KHDRBS2: variants seen among roughly 807,000 people sequenced by gnomAD.
KHDRBS2 encodes the protein KH domain-containing, RNA-binding, signal transduction-associated protein 2.
Under a neutral mutation model 44.3 loss-of-function variants are expected in KHDRBS2, and 26 were observed. The observed-to-expected ratio is 0.59, with a 90% CI of 0.43 to 0.81. KHDRBS2 has a LOEUF of 0.81. Ranked by LOEUF, KHDRBS2 falls within the 40% of genes least tolerant of loss-of-function variation. The probability of loss-of-function intolerance (pLI) is 0.00; values close to 1 mark genes in which losing one functional copy is unlikely to be tolerated. For missense variants in KHDRBS2, 476 were observed against 433.1 expected (o/e 1.10, Z -0.88); for synonymous variants, 194 against 151.1 (o/e 1.28, Z -2.08).
chr6:61,629,932 T>A, the KHDRBS2 span, among the ~76,000 whole-genome samples: 1 of 152,234 alleles, frequency 6.6e-6, no homozygotes. Context: ...TCAAATATAA[T>A]CTTGTAGTTC....
chr6:61,649,935 T>C, the KHDRBS2 span, among the ~76,000 whole-genome samples: 17 of 152,174 alleles, frequency 1.1e-4, no homozygotes, highest in African/African-American at 3.6e-4. Context: ...TTTGCTTACG[T>C]ACCTTGTAAC....
chr6:61,710,321 T>A (rs1280855661), intron 7 of KHDRBS2, among the ~76,000 whole-genome samples: 24 of 151,772 alleles, frequency 1.6e-4, no homozygotes, highest in Admixed American at 1.4e-3. Context: ...AATGCCAAAT[T>A]ACTGCAAAGA....
the KHDRBS2 span, among the ~76,000 whole-genome samples, chr6:61,652,899 A>T: frequency 3.9e-5 from 6 of 152,140 alleles, no homozygotes; most frequent in Non-Finnish European, 5.9e-5. Flanking sequence ...ACATGCCGTG[A>T]GGAGATATAA....
intron 6 of KHDRBS2, among the ~76,000 whole-genome samples, chr6:61,869,981 T>TTGG (rs1554252310): frequency 6.8e-6 from 1 of 147,158 alleles, no homozygotes; most frequent in African/African-American, 2.6e-5. Context: ...TTTTTTTTTT[T>TTGG]TTTTTTCCCC....
At chr6:62,080,431 A>C (rs1018398791) in intron 2 of KHDRBS2, among the ~76,000 whole-genome samples, 3 of 152,140 alleles carry the variant, frequency 2.0e-5, no homozygotes, top group African/African-American at 7.2e-5. Context: ...TTTAGAAAAA[A>C]TGTAGCCCCT....
At chr6:61,849,564 C>T (rs1172484652) in intron 6 of KHDRBS2, among the ~76,000 whole-genome samples, 2 of 151,604 alleles carry the variant, frequency 1.3e-5, no homozygotes, top group Non-Finnish European at 2.9e-5. Flanking sequence ...TTTGGTTTAT[C>T]AATATGAACC....
chr6:61,704,966 G>A (rs1384018603), intron 7 of KHDRBS2, among the ~76,000 whole-genome samples: 2 of 151,676 alleles, frequency 1.3e-5, no homozygotes, highest in Admixed American at 6.6e-5. Context: ...AATATCTCAG[G>A]TCATTAGATG....
chr6:61,945,959 A>G (rs1003833226), intron 4 of KHDRBS2, among the ~76,000 whole-genome samples: 2 of 152,202 alleles, frequency 1.3e-5, no homozygotes, highest in African/African-American at 4.8e-5. Flanking sequence ...AATCACATAA[A>G]TATTTTATCA....
chr6:61,743,959 T>A (rs1387477085), intron 6 of KHDRBS2, among the ~76,000 whole-genome samples: 1 of 152,058 alleles, frequency 6.6e-6, no homozygotes, highest in African/African-American at 2.4e-5. Flanking sequence ...GGACATGAAC[T>A]CACCATTTTT....
At chr6:61,715,740 T>C (rs79186060) in intron 7 of KHDRBS2, among the ~76,000 whole-genome samples, 6,246 of 152,024 alleles carry the variant, frequency 0.041, 151 homozygotes, top group East Asian at 0.085. Flanking sequence ...TAGTCCTCTG[T>C]ATTTTAGTAA....
At chr6:61,615,657 T>G in the KHDRBS2 span, among the ~76,000 whole-genome samples, 2 of 152,218 alleles carry the variant, frequency 1.3e-5, no homozygotes. Flanking sequence ...GTTCCGAATT[T>G]GAAACATTTT....
intron 4 of KHDRBS2, among the ~76,000 whole-genome samples, chr6:61,921,552 C>T (rs1484758198): frequency 6.6e-6 from 1 of 151,960 alleles, no homozygotes; most frequent in Admixed American, 6.6e-5. Flanking sequence ...TAATGTGAGT[C>T]AAATATAAAT....
chr6:61,769,367 A>G (rs911429574), intron 6 of KHDRBS2, among the ~76,000 whole-genome samples: 1 of 152,156 alleles, frequency 6.6e-6, no homozygotes, highest in Non-Finnish European at 1.5e-5. Flanking sequence ...ACGAGGCATC[A>G]CCTCACCTGG....
At chr6:62,009,625 G>A (rs531051828) in intron 3 of KHDRBS2, among the ~76,000 whole-genome samples, 1 of 152,288 alleles carries the variant, frequency 6.6e-6, no homozygotes, top group South Asian at 2.1e-4. Flanking sequence ...TTGTGGGCCA[G>A]GCCCAGGGTC....
At chr6:62,260,603 A>T (rs1838178824) in intron 1 of KHDRBS2, among the ~76,000 whole-genome samples, 1 of 152,016 alleles carries the variant, frequency 6.6e-6, no homozygotes, top group African/African-American at 2.4e-5. Flanking sequence ...TTTTTTTAAA[A>T]AAAGAAAACT....
intron 3 of KHDRBS2, among the ~76,000 whole-genome samples, chr6:62,019,847 G>C (rs1211462017): frequency 6.6e-6 from 1 of 150,604 alleles, no homozygotes; most frequent in Non-Finnish European, 1.5e-5. Context: ...TCTAGCTGCA[G>C]GTTTATCAAT....
At chr6:61,775,169 A>G (rs79579437) in intron 6 of KHDRBS2, among the ~76,000 whole-genome samples, 1 of 152,074 alleles carries the variant, frequency 6.6e-6, no homozygotes, top group Non-Finnish European at 1.5e-5. Context: ...TCTATGACAA[A>G]CCCACAGCCA....
chr6:61,952,812 A>G (rs765167439), intron 4 of KHDRBS2, among the ~76,000 whole-genome samples: 1 of 152,066 alleles, frequency 6.6e-6, no homozygotes, highest in Non-Finnish European at 1.5e-5. Context: ...AAACAAAATA[A>G]ACGGGTAAAA....
At chr6:62,221,136 A>G (rs1311763930) in intron 1 of KHDRBS2, among the ~76,000 whole-genome samples, 1 of 152,036 alleles carries the variant, frequency 6.6e-6, no homozygotes, top group Non-Finnish European at 1.5e-5. Context: ...ACCAAAAAAA[A>G]AAAGATTTTG....
Sources: gnomAD v4.1 joint callset for allele counts (sites outside exome capture counted in the v4.1 genomes callset) on GRCh38, gnomAD v4.1.1 for gene constraint, MANE v1.5 for transcripts, NCBI Gene and HGNC (gene_info 2026-07-23, HGNC 2026-07-21) for gene names.